NEBL: variants seen among roughly 807,000 people sequenced by gnomAD.
NEBL encodes the protein nebulette.
Under a neutral mutation model 140.2 loss-of-function variants are expected in NEBL, and 122 were observed. The ratio of observed to expected loss-of-function variants is 0.87; its 90% CI spans 0.75 to 1.01. NEBL has a LOEUF of 1.01. NEBL is among the 50% of genes least tolerant of loss of function. The probability of loss-of-function intolerance (pLI) is 0.00; values close to 1 mark genes in which losing one functional copy is unlikely to be tolerated. For synonymous variants in NEBL, 436 were observed against 398.9 expected, an observed-to-expected ratio of 1.09 and a Z score of -1.11; for missense variants, 1,365 against 1,231.3, an observed-to-expected ratio of 1.11 and a Z score of -1.62.
At chr10:21,139,987 CAAAAAAAA>C (rs11289396) in intron 2 of NEBL, among the ~76,000 whole-genome samples, 8 of 99,692 alleles carry the variant, frequency 8.0e-5, no homozygotes, top group Admixed American at 3.4e-4. Flanking sequence ...CCTGTCTCAA[CAAAAAAAA>C]AAAAAAAAAA....
At chr10:21,263,088 TAATAAGAGA>T (rs1299244814) in intron 1 of NEBL, among the ~76,000 whole-genome samples, 52 of 152,254 alleles carry the variant, frequency 3.4e-4, no homozygotes, top group African/African-American at 1.2e-3. Flanking sequence ...ACAGTAATAA[TAATAAGAGA>T]AATAATCACA....
chr10:20,941,807 G>A (rs1256694204), intron 4 of NEBL, among the ~76,000 whole-genome samples: 1 of 151,982 alleles, frequency 6.6e-6, no homozygotes, highest in Admixed American at 6.6e-5. Flanking sequence ...GACAAACAGA[G>A]AGCCAAATCA....
At chr10:21,010,420 T>TC (rs1491230682) in intron 3 of NEBL, among the ~76,000 whole-genome samples, 21 of 89,212 alleles carry the variant, frequency 2.4e-4, no homozygotes, top group African/African-American at 1.3e-3. Flanking sequence ...AATTTTTTAA[T>TC]TTTTTTTTTT....
At chr10:20,790,280 C>T (rs933136897) in intron 26 of NEBL, among the ~76,000 whole-genome samples, 5 of 151,600 alleles carry the variant, frequency 3.3e-5, no homozygotes, top group Admixed American at 2.6e-4. Flanking sequence ...ATACTTGGTA[C>T]AATAAAAGAG....
intron 4 of NEBL, among the ~76,000 whole-genome samples, chr10:20,943,661 G>C (rs1835013264): frequency 1.3e-5 from 2 of 152,144 alleles, no homozygotes; most frequent in South Asian, 4.1e-4. Flanking sequence ...GTTATTTCTT[G>C]TTTCTTACCC....
At chr10:21,104,770 G>GA (rs1303399933) in intron 2 of NEBL, among the ~76,000 whole-genome samples, 2 of 152,118 alleles carry the variant, frequency 1.3e-5, no homozygotes, top group Non-Finnish European at 2.9e-5. Flanking sequence ...ATGTTAAATA[G>GA]AAGTAATGAG....
At chr10:21,177,783 C>T (rs190095244), upstream of NEBL, among the ~76,000 whole-genome samples, 52 of 152,306 alleles carry the variant, frequency 3.4e-4, no homozygotes, top group African/African-American at 1.2e-3. Flanking sequence ...CAGTCTCGGC[C>T]TCCCAAAGTG....
intron 2 of NEBL, among the ~76,000 whole-genome samples, chr10:21,100,010 C>A (rs1264640573): frequency 6.6e-6 from 1 of 152,176 alleles, no homozygotes; most frequent in Non-Finnish European, 1.5e-5. Context: ...TCAATCCTTT[C>A]TATTTCCCTT....
At chr10:21,050,803 T>C (rs539348379) in intron 2 of NEBL, among the ~76,000 whole-genome samples, 7 of 152,038 alleles carry the variant, frequency 4.6e-5, no homozygotes, top group African/African-American at 1.4e-4. Context: ...TCTCATCCTA[T>C]GTAGAATGCA....
intron 3 of NEBL, among the ~76,000 whole-genome samples, chr10:21,191,505 G>T (rs1475374333): frequency 6.6e-6 from 1 of 152,140 alleles, no homozygotes; most frequent in East Asian, 1.9e-4. Context: ...GGAAGTCAGA[G>T]TCAAAATTTT....
intron 3 of NEBL, among the ~76,000 whole-genome samples, chr10:21,244,143 T>G (rs78631613): frequency 0.035 from 5,256 of 152,168 alleles, 302 homozygotes; most frequent in African/African-American, 0.12. Context: ...AAATCTTGAA[T>G]GTCACAACTT....
chr10:21,221,100 G>A (rs1842059980), intron 3 of NEBL, among the ~76,000 whole-genome samples: 2 of 152,162 alleles, frequency 1.3e-5, no homozygotes, highest in South Asian at 4.1e-4. Context: ...GCTTCAGAGA[G>A]CTATAACCAC....
chr10:21,230,532 C>T (rs889675476), intron 3 of NEBL, among the ~76,000 whole-genome samples: 4 of 151,770 alleles, frequency 2.6e-5, no homozygotes, highest in African/African-American at 9.7e-5. Flanking sequence ...TTTTCTATTC[C>T]CTTTTGTTTT....
intron 4 of NEBL, among the ~76,000 whole-genome samples, chr10:20,933,940 T>C (rs755301809): frequency 1.3e-5 from 2 of 152,180 alleles, no homozygotes; most frequent in Non-Finnish European, 2.9e-5. Flanking sequence ...GTTCAGTATA[T>C]GGCCAGCTGG....
intron 3 of NEBL, among the ~76,000 whole-genome samples, chr10:21,185,792 C>G (rs1182437081): frequency 8.5e-5 from 13 of 152,290 alleles, no homozygotes; most frequent in African/African-American, 2.9e-4. Flanking sequence ...CCCACTGCGC[C>G]CTACCTCTTT....
intron 2 of NEBL, among the ~76,000 whole-genome samples, chr10:21,119,268 A>G (rs528266495): frequency 6.6e-6 from 1 of 152,168 alleles, no homozygotes; most frequent in South Asian, 2.1e-4. Flanking sequence ...CTAACTTTTT[A>G]TTTTGAAAAA....
rs190996266 is a variant in NEBL at position 20,844,304 on chromosome 10, T to C, written c.1227+954A>G. Among the ~76,000 whole-genome samples, 892 of 151,942 alleles carry C rather than the reference T, an allele frequency of 5.9e-3. 4 individuals are homozygous for C. The highest frequency in any genetic ancestry group is 0.014 in the Middle Eastern group (4 of 292). ...AGGAATAGTTTCCTCAGTTCAAAAA[T>C]TCAAAATGAAATGAAATTTCATATG... On this transcript the variant is annotated intron_variant, in intron 12 of 27. Transcript: ENST00000377122.
At chr10:21,034,454 T>C (rs958043603) in intron 2 of NEBL, among the ~76,000 whole-genome samples, 1 of 152,118 alleles carries the variant, frequency 6.6e-6, no homozygotes, top group Non-Finnish European at 1.5e-5. Flanking sequence ...CCAACATTCT[T>C]CTCAGCACAG....
At chr10:20,862,282 G>T (rs558816716) in intron 7 of NEBL, among the ~76,000 whole-genome samples, 3 of 152,056 alleles carry the variant, frequency 2.0e-5, no homozygotes, top group Non-Finnish European at 4.4e-5. Flanking sequence ...TTGTTTGAAC[G>T]TTCAGTACAG....
Sources: gnomAD v4.1 joint callset for allele counts (sites outside exome capture counted in the v4.1 genomes callset) on GRCh38, gnomAD v4.1.1 for gene constraint, MANE v1.5 for transcripts, NCBI Gene and HGNC (gene_info 2026-07-23, HGNC 2026-07-21) for gene names.